Variants in TMEM65 observed in about 807,000 individuals in gnomAD.
TMEM65 encodes the protein transmembrane protein 65.
Under a neutral mutation model 25.4 loss-of-function variants are expected in TMEM65, and 22 were observed. The observed-to-expected ratio is 0.86, with a 90% CI of 0.62 to 1.23. The LOEUF (loss-of-function observed/expected upper bound fraction) is 1.23, where lower values mean the gene tolerates loss of function less well. TMEM65 is among the 50% of genes most tolerant of loss of function. TMEM65 has a pLI of 0.00. For missense variants in TMEM65, 262 were observed against 308.2 expected (o/e 0.85, Z 1.12); for synonymous variants, 132 against 126.2 (o/e 1.05, Z -0.31).
chr8:124,313,312 G>C lies in TMEM65; in HGVS notation c.*648C>G, dbSNP rs527971582. ...TTAGTATACACGGTTTCATGTAGCA[G>C]GGAGACCACATAATTGCTCTTTGTG... On this transcript the variant is annotated 3_prime_UTR_variant, in exon 7 of 7. Coordinates refer to ENST00000297632, the MANE Select transcript of TMEM65 (RefSeq NM_194291.3). 1 of 151,920 alleles carries C rather than the reference G, an allele frequency of 6.6e-6. No homozygotes were observed. The highest frequency in any genetic ancestry group is 1.5e-5 in the Non-Finnish European group (1 of 67,878). The allele number at this position is 151,920 out of a possible 1,614,324, so 9.4% of individuals were successfully genotyped here.
rs544678117 is a variant in TMEM65 at position 124,309,140 on chromosome 8, CTTTAT to C, written c.*4815_*4819del. On this transcript the variant is annotated 3_prime_UTR_variant, in exon 7 of 7. Coordinates refer to ENST00000297632, the MANE Select transcript of TMEM65 (RefSeq NM_194291.3). The stretch of plus-strand genomic sequence containing the variant: ...TTTAATAACATTTTCTTTCTTCTAC[CTTTAT>C]TTTAATACAATATATGATACATATA... The C allele has an allele frequency of 1.6e-4, 24 of 152,240 alleles. No individual in the cohort carries two copies. The highest frequency in any genetic ancestry group is 1.4e-3 in the East Asian group (7 of 5,174). 9.4% of individuals were successfully genotyped at this position (152,240 alleles called of 1,614,324 possible).
At chr8:124,337,974 T>C (rs563305248) in intron 1 of TMEM65, among the ~76,000 whole-genome samples, 1 of 152,018 alleles carries the variant, frequency 6.6e-6, no homozygotes, top group African/African-American at 2.4e-5. Flanking sequence ...AAATACTTAA[T>C]TTATTTGGTT....
intron 6 of TMEM65, among the ~76,000 whole-genome samples, chr8:124,317,235 ATTC>A (rs537037413): frequency 8.5e-5 from 13 of 152,188 alleles, no homozygotes; most frequent in South Asian, 6.2e-4. Flanking sequence ...TTTATATTTT[ATTC>A]TTCTTCTTCA....
At chr8:124,346,563 A>C (rs1268522039) in intron 1 of TMEM65, among the ~76,000 whole-genome samples, 1 of 152,218 alleles carries the variant, frequency 6.6e-6, no homozygotes, top group Non-Finnish European at 1.5e-5. Flanking sequence ...AAACTTAATA[A>C]GAAAAGTACC....
At position 124,330,772 on chromosome 8, in the gene TMEM65, G is replaced by T; in HGVS notation, c.325C>A (p.Pro109Thr). Residue 109 changes from proline to threonine, a missense_variant, in exon 2 of 7, where the codon CCC becomes ACC. Physicochemically the swap from Pro to Thr is conservative, Grantham distance 38. Transcript: ENST00000297632. Reference sequence around the variant, plus strand: ...CCATATCTCAGCTGTCCTGGGGTGGGTGGTGGAGCTTCCAATTTTTCTAAA... The same window carrying T: ...CCATATCTCAGCTGTCCTGGGGTGGTTGGTGGAGCTTCCAATTTTTCTAAA... Reference protein sequence around the residue: ...IAQEKLEAPPPTPGQLRYVFI... With the variant: ...IAQEKLEAPPTTPGQLRYVFI... 1 of 1,581,950 alleles carries T rather than the reference G, an allele frequency of 6.3e-7. No individual in the cohort carries two copies. The highest frequency in any genetic ancestry group is 8.6e-7 in the Non-Finnish European group (1 of 1,167,748).
rs530434004 is a variant in TMEM65, at chr8:124,371,807, G to A, written c.304+47C>T. 2.0e-6 allele frequency: 3 copies of A among 1,479,092 alleles called. No homozygotes were observed. The African/African-American group carries it at 4.4e-5, about 22-fold the overall frequency. 91.6% of individuals were successfully genotyped at this position (1,479,092 alleles called of 1,614,324 possible). On this transcript the variant is annotated intron_variant, in intron 1 of 6. Transcript: ENST00000297632. ...GGCTCCCGGTGGGCTGGCGAGAAGA[G>A]GAGGGCGTCGGGGCCCCCGGGCTCG...
In TMEM65 at chr8:124,327,213, C is replaced by CTA. The variant is rs1308315444; in HGVS notation, c.417+139_417+140dup. Reference sequence around the variant, plus strand: ...TAAATATAGCTTAATTAAAATTGAGCTATAGTCTGAGATATAGTAAAAAAT... The same window carrying CTA: ...TAAATATAGCTTAATTAAAATTGAGCTATATAGTCTGAGATATAGTAAAAAAT... On this transcript the variant is annotated intron_variant, in intron 3 of 6. Coordinates refer to ENST00000297632, the MANE Select transcript of TMEM65 (RefSeq NM_194291.3). The CTA allele has an allele frequency of 1.3e-5, 8 of 609,228 alleles. No individual in the cohort carries two copies. The African/African-American group carries it at 1.6e-4, about 12-fold the overall frequency. The allele number at this position is 609,228 out of a possible 1,614,324, so 37.7% of individuals were successfully genotyped here.
chr8:124,368,827 T>C (rs1259091814), intron 1 of TMEM65, among the ~76,000 whole-genome samples: 4 of 152,236 alleles, frequency 2.6e-5, no homozygotes, highest in Non-Finnish European at 4.4e-5. Flanking sequence ...TAAGATGCTA[T>C]AGCATTCCTG....
chr8:124,334,545 C>T (rs1052031300), intron 1 of TMEM65, among the ~76,000 whole-genome samples: 1 of 151,850 alleles, frequency 6.6e-6, no homozygotes. Flanking sequence ...GTGGGTGGGT[C>T]ACAAGGTCAG....
In TMEM65 at chr8:124,372,632, G is replaced by GCCCTCAAAGCAGC. The variant is rs1815036988; in HGVS notation, c.-488_-476dup. 1 of 160,976 alleles carries GCCCTCAAAGCAGC rather than the reference G, an allele frequency of 6.2e-6. No homozygotes were observed. The highest frequency in any genetic ancestry group is 2.4e-5 in the African/African-American group (1 of 41,284). 10.0% of individuals were successfully genotyped at this position (160,976 alleles called of 1,614,324 possible). On this transcript the variant is annotated 5_prime_UTR_variant, in exon 1 of 7. Coordinates refer to ENST00000297632, the MANE Select transcript of TMEM65 (RefSeq NM_194291.3). Reference sequence around the variant, plus strand: ...CGTCCCCACTCTGTAAGGTTCCCGAGCCCTCAAAGCAGCCGCGCTCCCGAG... The same window carrying GCCCTCAAAGCAGC: ...CGTCCCCACTCTGTAAGGTTCCCGAGCCCTCAAAGCAGCCCCTCAAAGCAGCCGCGCTCCCGAG...
At chr8:124,331,282 C>G (rs1041425788) in intron 1 of TMEM65, among the ~76,000 whole-genome samples, 2 of 146,814 alleles carry the variant, frequency 1.4e-5, no homozygotes, top group African/African-American at 5.0e-5. Flanking sequence ...TGTATGAAAA[C>G]AATGACTTCA....
intron 1 of TMEM65, among the ~76,000 whole-genome samples, chr8:124,354,327 A>G (rs991213592): frequency 1.3e-5 from 2 of 152,212 alleles, no homozygotes; most frequent in African/African-American, 4.8e-5. Flanking sequence ...GTGGAATTTG[A>G]ATGACATCAG....
In TMEM65 at chr8:124,368,487, A is replaced by G. The variant is rs144672201; in HGVS notation, c.304+3367T>C. On this transcript the variant is annotated intron_variant, in intron 1 of 6. Coordinates refer to ENST00000297632, the MANE Select transcript of TMEM65 (RefSeq NM_194291.3). ...CCCACAATGTGTCAGGACAAAAGAG[A>G]TGGACTGTCACTACTAAGACTGTGT... Among the ~76,000 whole-genome samples, 381 of 152,316 alleles carry G rather than the reference A, an allele frequency of 2.5e-3. 1 individual carries two copies. The highest frequency in any genetic ancestry group is 7.9e-3 in the African/African-American group (327 of 41,558).
intron 1 of TMEM65, among the ~76,000 whole-genome samples, chr8:124,333,513 T>C (rs1814463519): frequency 1.3e-5 from 2 of 151,494 alleles, no homozygotes; most frequent in Non-Finnish European, 2.9e-5. Flanking sequence ...GTGTATTATA[T>C]ACATCATACT....
rs1408065196 is a variant in TMEM65, at chr8:124,372,028, G to A, written c.130C>T (p.Pro44Ser). The change falls in exon 1 of 7, where the codon CCC (proline) becomes TCC (serine). Residue 44 changes from proline (P) to serine (S), a missense_variant. Physicochemically the swap from Pro to Ser is moderately conservative, Grantham distance 74 (BLOSUM62 -1). Transcript: ENST00000297632. ...CTGGGGCCGCCCGGCAAGCCGCCGG[G>A]GGGCGCGAGCGCCAGCAGCCCCCGC... ...CGRGLLALAP[P>S]GGLPGGPRRL... is the part of the protein sequence containing the mutation. 7.1e-6 allele frequency: 9 copies of A among 1,265,464 alleles called. No individual in the cohort carries two copies. The highest frequency in any genetic ancestry group is 6.5e-5 in the East Asian group (2 of 30,954). 78.4% of individuals were successfully genotyped at this position (1,265,464 alleles called of 1,614,324 possible).
At chr8:124,326,226 G>A (rs973868547) in intron 3 of TMEM65, among the ~76,000 whole-genome samples, 2 of 151,978 alleles carry the variant, frequency 1.3e-5, no homozygotes, top group Admixed American at 1.3e-4. Context: ...CAAAGTATAT[G>A]ATATTTTTTT....
chr8:124,320,121 C>T lies in TMEM65; in HGVS notation c.586G>A (p.Val196Ile), dbSNP rs1360756922. Residue 196 changes from valine (V) to isoleucine (I), a missense_variant, in exon 6 of 7, where the codon GTT becomes ATT. Val to Ile is a conservative substitution (Grantham distance 29). Coordinates refer to ENST00000297632, the MANE Select transcript of TMEM65 (RefSeq NM_194291.3). ...CTAAGACGTGTTTGCCACATGTCAA[C>T]TTGCTTTGGTGTGAGATCAGGAATT... Reference protein sequence around the residue: ...LSIPDLTPKQVDMWQTRLSTH... With the variant: ...LSIPDLTPKQIDMWQTRLSTH... 4.3e-6 allele frequency: 7 copies of T among 1,613,182 alleles called. No individual in the cohort carries two copies. Among genetic ancestry groups the T allele is most frequent in the Non-Finnish European group, 5.1e-6 (6 of 1,179,466 alleles).
At chr8:124,320,694 T>C (rs1814293918) in intron 5 of TMEM65, among the ~76,000 whole-genome samples, 1 of 152,176 alleles carries the variant, frequency 6.6e-6, no homozygotes, top group Non-Finnish European at 1.5e-5. Context: ...ATCTCAAGTA[T>C]TTTATCAATT....
At chr8:124,369,960 C>G (rs1232998264) in intron 1 of TMEM65, among the ~76,000 whole-genome samples, 1 of 152,100 alleles carries the variant, frequency 6.6e-6, no homozygotes, top group Admixed American at 6.5e-5. Context: ...TCTGACTAAC[C>G]ATTGTTTCAA....
Sources: gnomAD v4.1 joint callset for allele counts (sites outside exome capture counted in the v4.1 genomes callset) on GRCh38, gnomAD v4.1.1 for gene constraint, MANE v1.5 for transcripts, NCBI Gene and HGNC (gene_info 2026-07-23, HGNC 2026-07-21) for gene names.